LINS1: variants seen among roughly 807,000 people sequenced by gnomAD.
The protein encoded by LINS1 is protein Lines homolog 1.
Under a neutral mutation model 41.6 loss-of-function variants are expected in LINS1, and 27 were observed. The observed-to-expected ratio is 0.65, with a 90% CI of 0.48 to 0.89. The LOEUF is 0.89. Among genes scored for constraint, LINS1 ranks in the 40% least tolerant of loss-of-function variants. The pLI, the probability that LINS1 is intolerant of heterozygous loss-of-function variation, is 0.00. For missense variants in LINS1, 955 were observed against 884.1 expected (o/e 1.08, Z -1.02); for synonymous variants, 336 against 312.9 (o/e 1.07, Z -0.78).
At chr15:100,596,687 T>C (rs2039261023) in intron 1 of LINS1, among the ~76,000 whole-genome samples, 2 of 152,248 alleles carry the variant, frequency 1.3e-5, no homozygotes, top group African/African-American at 4.8e-5. Flanking sequence ...GCTGCAAGCA[T>C]AGATACACAA....
chr15:100,572,247 C>A, intron 5 of LINS1, 182 bp from the exon 6 acceptor site: 1 of 1,419,666 alleles, frequency 7.0e-7, no homozygotes, highest in Non-Finnish European at 9.2e-7. Flanking sequence ...CACTGAGGCT[C>A]AGGGAAAAAA....
Position 100,569,925 on chromosome 15 carries a change from T to C in LINS1, c.1587A>G (p.Lys529=). 6.3e-7 allele frequency: 1 copy of C among 1,599,108 alleles called. No individual in the cohort carries two copies. Among genetic ancestry groups the C allele is most frequent in the Non-Finnish European group, 8.5e-7 (1 of 1,170,856 alleles). ...CFLEYFVRYL[K]LLQKDWDNFF... Reference sequence around the variant, plus strand: ...AATTATCCCAGTCCTTTTGCAGTAATTTTAAATATCTAACAAAATATTCAA... The same window carrying C: ...AATTATCCCAGTCCTTTTGCAGTAACTTTAAATATCTAACAAAATATTCAA... The change falls in exon 7 of 7, where the codon AAA becomes AAG. Residue 529 remains lysine (K), a synonymous_variant. Coordinates refer to ENST00000314742, the MANE Select transcript of LINS1 (RefSeq NM_001040616.3).
At chr15:100,587,967 T>C (rs556616595) in intron 1 of LINS1, among the ~76,000 whole-genome samples, 83 of 152,348 alleles carry the variant, frequency 5.4e-4, no homozygotes, top group African/African-American at 2.0e-3. Flanking sequence ...AAATCTGGCA[T>C]GCCGGCAAAA....
intron 1 of LINS1, among the ~76,000 whole-genome samples, chr15:100,596,623 A>C (rs1283271420): frequency 1.3e-5 from 2 of 152,240 alleles, no homozygotes; most frequent in Non-Finnish European, 2.9e-5. Flanking sequence ...CCTTTTAATA[A>C]AAAGCAGCCC....
At chr15:100,587,700 C>T (rs2038870946) in intron 1 of LINS1, among the ~76,000 whole-genome samples, 1 of 152,160 alleles carries the variant, frequency 6.6e-6, no homozygotes, top group Non-Finnish European at 1.5e-5. Context: ...TCCTAGGCTA[C>T]CTTTGTTGGG....
chr15:100,588,456 G>A (rs1373508635), intron 1 of LINS1, among the ~76,000 whole-genome samples: 1 of 152,220 alleles, frequency 6.6e-6, no homozygotes, highest in Non-Finnish European at 1.5e-5. Context: ...AAAGTAAAAA[G>A]TGTAATGCCT....
At chr15:100,584,552 T>C (rs1222912730) in intron 1 of LINS1, among the ~76,000 whole-genome samples, 1 of 150,796 alleles carries the variant, frequency 6.6e-6, no homozygotes, top group African/African-American at 2.4e-5. Context: ...AGATTCAAAA[T>C]CAGCCTTTAG....
At chr15:100,601,443 G>T (rs2039489070) in intron 1 of LINS1, among the ~76,000 whole-genome samples, 1 of 152,136 alleles carries the variant, frequency 6.6e-6, no homozygotes. Flanking sequence ...CGTGAAGACA[G>T]AACCCTCACG....
At chr15:100,591,456 GA>G (rs1471038355) in intron 1 of LINS1, among the ~76,000 whole-genome samples, 1 of 152,162 alleles carries the variant, frequency 6.6e-6, no homozygotes, top group Non-Finnish European at 1.5e-5. Context: ...CAAAAAGGGA[GA>G]ATTTTTTAAA....
chr15:100,572,052 C>T lies in LINS1; in HGVS notation c.1236G>A (p.Arg412=). ...AGAAGGTCAGTAACTCAGACATGAACCTCTGTAAGTCAACTTCAAAAAATG... is the reference window on the plus strand; with the variant it reads ...AGAAGGTCAGTAACTCAGACATGAATCTCTGTAAGTCAACTTCAAAAAATG... The part of the protein sequence containing the change: ...SASEVKVDLQ[R]FMSELLTFLK... Residue 412 remains arginine, a synonymous_variant, in exon 6 of 7, where the codon AGG becomes AGA. Coordinates refer to ENST00000314742, the MANE Select transcript of LINS1 (RefSeq NM_001040616.3). 1.2e-6 allele frequency: 2 copies of T among 1,614,068 alleles called. No homozygotes were observed. Among genetic ancestry groups the T allele is most frequent in the Non-Finnish European group, 1.7e-6 (2 of 1,179,992 alleles).
chr15:100,573,431 T>C (rs2037957150), intron 5 of LINS1: 2 of 1,043,154 alleles, frequency 1.9e-6, no homozygotes, highest in Non-Finnish European at 2.6e-6. Flanking sequence ...AAATCATTCC[T>C]TATGCTTTAC....
At chr15:100,593,607 A>C (rs2039132876) in intron 1 of LINS1, among the ~76,000 whole-genome samples, 1 of 152,132 alleles carries the variant, frequency 6.6e-6, no homozygotes, top group Admixed American at 6.5e-5. Flanking sequence ...AGATAAGAAA[A>C]CTAAGAGAGA....
chr15:100,573,524 T>G, intron 5 of LINS1, 127 bp downstream of exon 5: 1 of 756,756 alleles, frequency 1.3e-6, no homozygotes, highest in Non-Finnish European at 2.0e-6. Flanking sequence ...ATGTAATAAG[T>G]TACAAATAGG....
rs2037650485 is a variant in LINS1 at position 100,568,989 on chromosome 15, T to C, written c.*249A>G. On this transcript the variant is annotated 3_prime_UTR_variant, in exon 7 of 7. Coordinates refer to ENST00000314742, the MANE Select transcript of LINS1 (RefSeq NM_001040616.3). Reference sequence around the variant, plus strand: ...AAATACAAAAATTAGCTGGGCGTGGTGGCGGGCACCTGTAATTCCAGCTAC... The same window carrying C: ...AAATACAAAAATTAGCTGGGCGTGGCGGCGGGCACCTGTAATTCCAGCTAC... 2.9e-6 allele frequency: 1 copy of C among 341,408 alleles called. No homozygotes were observed. Among genetic ancestry groups the C allele is most frequent in the African/African-American group, 2.1e-5 (1 of 46,840 alleles). The allele number at this position is 341,408 out of a possible 1,614,324, so 21.1% of individuals were successfully genotyped here.
Position 100,568,564 on chromosome 15 carries a change from A to T in LINS1, c.*674T>A, listed in dbSNP as rs566429152. ...GGGGCAGGGTGGGATTCTTCTCCAG[A>T]CCCTGAGGGCATTGCCCTGCTGAAG... On this transcript the variant is annotated 3_prime_UTR_variant, in exon 7 of 7. Coordinates refer to ENST00000314742, the MANE Select transcript of LINS1 (RefSeq NM_001040616.3). 1 of 152,464 alleles carries T rather than the reference A, an allele frequency of 6.6e-6. No homozygotes were observed. The highest frequency in any genetic ancestry group is 2.1e-4 in the South Asian group (1 of 4,828). 9.4% of individuals were successfully genotyped at this position (152,464 alleles called of 1,614,324 possible). A position where few individuals can be genotyped will look rare whatever the true frequency, so the allele number is the denominator to read the frequency against.
intron 1 of LINS1, among the ~76,000 whole-genome samples, chr15:100,591,302 C>T (rs186801594): frequency 1.3e-5 from 2 of 152,350 alleles, no homozygotes; most frequent in Non-Finnish European, 2.9e-5. Flanking sequence ...ACTGGAATGA[C>T]AAGAGCTGAA....
intron 3 of LINS1, among the ~76,000 whole-genome samples, chr15:100,579,033 G>T (rs1037172951): frequency 2.0e-5 from 3 of 152,082 alleles, no homozygotes; most frequent in Non-Finnish European, 2.9e-5. Context: ...TGTGGGGTAG[G>T]GGGAGGGGGA....
At chr15:100,578,524 A>C (rs1189889300) in intron 3 of LINS1, among the ~76,000 whole-genome samples, 2 of 152,102 alleles carry the variant, frequency 1.3e-5, no homozygotes, top group Non-Finnish European at 2.9e-5. Context: ...GTCAGGAAAC[A>C]ACAGGTGCTG....
chr15:100,579,390 AC>A (rs2038391828), intron 3 of LINS1, among the ~76,000 whole-genome samples: 1 of 88,268 alleles, frequency 1.1e-5, no homozygotes, highest in Admixed American at 1.6e-4. Context: ...TTATCTTTAT[AC>A]CTTTAACTTA....
Sources: gnomAD v4.1 joint callset for allele counts (sites outside exome capture counted in the v4.1 genomes callset) on GRCh38, gnomAD v4.1.1 for gene constraint, MANE v1.5 for transcripts, NCBI Gene and HGNC (gene_info 2026-07-23, HGNC 2026-07-21) for gene names.